The following SCYL3 variants were observed in gnomAD, a reference collection of about 807,000 sequenced individuals.
SCYL3 encodes the protein protein-associating with the carboxyl-terminal domain of ezrin.
In SCYL3, 35 loss-of-function variants were observed where a neutral mutation model predicts 73.8. That is an observed-to-expected ratio of 0.47 (90% CI 0.36 to 0.63). SCYL3 has a LOEUF of 0.63. SCYL3 is among the 20% of genes least tolerant of loss of function. SCYL3 has a pLI of 0.00. For missense variants in SCYL3, 712 were observed against 798.9 expected (o/e 0.89, Z 1.31); for synonymous variants, 277 against 295.2 (o/e 0.94, Z 0.63).
intron 2 of SCYL3, among the ~76,000 whole-genome samples, chr1:169,880,982 G>A (rs185052785): frequency 6.6e-6 from 1 of 152,094 alleles, no homozygotes; most frequent in Non-Finnish European, 1.5e-5. Flanking sequence ...GGCTGCTCTC[G>A]AATTCCTGAC....
intron 8 of SCYL3, among the ~76,000 whole-genome samples, chr1:169,866,589 C>T (rs1466634463): frequency 2.0e-5 from 3 of 152,226 alleles, no homozygotes. Flanking sequence ...TGCATTTGTT[C>T]ATGTTGCCCC....
intron 2 of SCYL3, among the ~76,000 whole-genome samples, chr1:169,886,626 C>A (rs1488587052): frequency 6.6e-6 from 1 of 152,208 alleles, no homozygotes; most frequent in Non-Finnish European, 1.5e-5. Flanking sequence ...TAACTAAACA[C>A]TTAGATTACA....
rs781171044 is a variant in SCYL3, at chr1:169,851,394, G to A, written c.*2319C>T. 8 of 155,014 alleles carry A rather than the reference G, an allele frequency of 5.2e-5. No individual in the cohort carries two copies. The highest frequency in any genetic ancestry group is 8.5e-5 in the Non-Finnish European group (6 of 70,230). The allele number at this position is 155,014 out of a possible 1,614,324, so 9.6% of individuals were successfully genotyped here. A position where few individuals can be genotyped will look rare whatever the true frequency, so the allele number is the denominator to read the frequency against. On this transcript the variant is annotated 3_prime_UTR_variant, in exon 13 of 13. Transcript: ENST00000367771. Reference sequence around the variant, plus strand: ...GTCTCGCTCTGTCGCCCAGATTGGAGTGTGGTGGTGTGATCATAGCTCGCT... The same window carrying A: ...GTCTCGCTCTGTCGCCCAGATTGGAATGTGGTGGTGTGATCATAGCTCGCT...
At chr1:169,879,244 A>G (rs1661074143) in intron 2 of SCYL3, among the ~76,000 whole-genome samples, 1 of 152,224 alleles carries the variant, frequency 6.6e-6, no homozygotes, top group Non-Finnish European at 1.5e-5. Flanking sequence ...TCTCACAGCT[A>G]TGCATGGTGA....
At chr1:169,878,363 TC>T (rs1016637421) in intron 3 of SCYL3, among the ~76,000 whole-genome samples, 46 of 152,322 alleles carry the variant, frequency 3.0e-4, no homozygotes, top group African/African-American at 1.1e-3. Context: ...CAAAGAATTA[TC>T]CAAAACTAGA....
intron 6 of SCYL3, 92 bp downstream of exon 6, chr1:169,870,163 C>G: frequency 1.1e-6 from 1 of 948,180 alleles, no homozygotes. Context: ...TTACTGTGCT[C>G]AAAGACTGTA....
At position 169,862,750 on chromosome 1, in the gene SCYL3, G is replaced by A. The variant is rs1659749818; in HGVS notation, c.1003C>T (p.Gln335Ter). 6.2e-7 allele frequency: 1 copy of A among 1,614,092 alleles called. No individual in the cohort carries two copies. Among genetic ancestry groups the A allele is most frequent in the Admixed American group, 1.7e-5 (1 of 60,008 alleles). ...TPCLLSPALF[Q>*]SRVIPVLLQL... ...AGAAGCACGGGGATCACCCGTGACT[G>A]GAACAGGGCTGGTGAGAGCAAGCAA... is the stretch of plus-strand genomic sequence containing the variant. Residue 335 changes from glutamine to a stop codon, truncating the protein, a stop_gained, in exon 10 of 13, where the codon CAG becomes TAG. Transcript: ENST00000367771. LOFTEE classifies it high-confidence loss of function.
chr1:169,871,877 G>A (rs1010688462), intron 5 of SCYL3, among the ~76,000 whole-genome samples: 4 of 152,174 alleles, frequency 2.6e-5, no homozygotes, highest in Admixed American at 6.5e-5. Flanking sequence ...GGTATCTGGC[G>A]GAAGAAATTT....
chr1:169,884,239 AG>A (rs1156636984), intron 2 of SCYL3, among the ~76,000 whole-genome samples: 2 of 152,228 alleles, frequency 1.3e-5, no homozygotes, highest in African/African-American at 4.8e-5. Flanking sequence ...TTGTGTTAGC[AG>A]GTTGGTTAAA....
intron 2 of SCYL3, 53 bp downstream of exon 2, chr1:169,888,623 G>A (rs1661841100): frequency 1.4e-6 from 2 of 1,429,466 alleles, no homozygotes; most frequent in African/African-American, 2.9e-5. Context: ...TTTTTTAAAA[G>A]AAAACAAGAT....
Position 169,850,293 on chromosome 1 carries a change from AGT to A in SCYL3, c.*3418_*3419del. 2 of 1,612,430 alleles carry A rather than the reference AGT, an allele frequency of 1.2e-6. No homozygotes were observed. Among genetic ancestry groups the A allele is most frequent in the East Asian group, 4.5e-5 (2 of 44,838 alleles). ...ACAAATCATGAAGAGATAGTTCCAC[AGT>A]GTCTCAGTTCTGAAGAAACTAAGAA... On this transcript the variant is annotated 3_prime_UTR_variant, in exon 13 of 13. Coordinates refer to ENST00000367771, the MANE Select transcript of SCYL3 (RefSeq NM_020423.7).
At position 169,852,455 on chromosome 1, in the gene SCYL3, T is replaced by G; in HGVS notation, c.*1258A>C. On this transcript the variant is annotated 3_prime_UTR_variant, in exon 13 of 13. Transcript: ENST00000367771. ...ACATTCTGATAAGTTTTAGTCAAAC[T>G]CTCATAAAAAGAAAATACATTTATG... The G allele has an allele frequency of 6.8e-6, 2 of 295,360 alleles. No homozygotes were observed. Among genetic ancestry groups the G allele is most frequent in the Non-Finnish European group, 1.3e-5 (2 of 158,648 alleles). The allele number at this position is 295,360 out of a possible 1,614,324, so 18.3% of individuals were successfully genotyped here.
At chr1:169,868,493 C>T (rs1472862025) in intron 7 of SCYL3, among the ~76,000 whole-genome samples, 2 of 152,190 alleles carry the variant, frequency 1.3e-5, no homozygotes, top group Non-Finnish European at 2.9e-5. Flanking sequence ...TCACATATTA[C>T]TAGACAAAGA....
chr1:169,878,913 T>C, intron 2 of SCYL3, 94 bp from the exon 3 acceptor site: 5 of 1,143,374 alleles, frequency 4.4e-6, no homozygotes, highest in Non-Finnish European at 5.0e-6. Context: ...AATGTATACT[T>C]GCAGTTAAGG....
intron 2 of SCYL3, among the ~76,000 whole-genome samples, chr1:169,879,481 GAAAC>G (rs565714437): frequency 1.6e-3 from 244 of 152,320 alleles, no homozygotes; most frequent in South Asian, 4.4e-3. Flanking sequence ...AAAGTTTTGA[GAAAC>G]AGACAGGTTG....
intron 1 of SCYL3, among the ~76,000 whole-genome samples, chr1:169,891,212 A>G (rs1244940294): frequency 6.6e-6 from 1 of 152,222 alleles, no homozygotes; most frequent in Non-Finnish European, 1.5e-5. Context: ...CCAAAGCCAC[A>G]TGAAGTCAGA....
chr1:169,853,034 A>ATACT lies in SCYL3; in HGVS notation c.*675_*678dup, dbSNP rs776457577. On this transcript the variant is annotated 3_prime_UTR_variant, in exon 13 of 13. Transcript: ENST00000367771. ...GGGTTTGATGCTTTGTCAACTGAAA[A>ATACT]TACTTATGTCTGTACATTTTCTAAC... 8.3e-5 allele frequency: 131 copies of ATACT among 1,575,110 alleles called. 1 individual carries two copies. The African/African-American group carries it at 9.7e-4, about 12-fold the overall frequency.
In SCYL3 at chr1:169,850,818, T is replaced by C. The variant is rs1658074762; in HGVS notation, c.*2895A>G. 1 of 155,714 alleles carries C rather than the reference T, an allele frequency of 6.4e-6. No homozygotes were observed. Among genetic ancestry groups the C allele is most frequent in the Admixed American group, 6.2e-5 (1 of 16,066 alleles). 9.6% of individuals were successfully genotyped at this position (155,714 alleles called of 1,614,324 possible). A position where few individuals can be genotyped will look rare whatever the true frequency, so the allele number is the denominator to read the frequency against. On this transcript the variant is annotated 3_prime_UTR_variant, in exon 13 of 13. Transcript: ENST00000367771. ...CAAAAAAGGACACTTGTAGTTCCTC[T>C]GCCTGTAGTTTGGGGTGTAATAGCA...
intron 1 of SCYL3, among the ~76,000 whole-genome samples, chr1:169,890,809 A>C (rs373480321): frequency 6.6e-6 from 1 of 152,376 alleles, no homozygotes. Flanking sequence ...AGAAATGCCA[A>C]GTATGGCAAC....
Sources: allele counts gnomAD v4.1 joint callset (sites outside exome capture counted in the v4.1 genomes callset), GRCh38; gene constraint gnomAD v4.1.1; transcripts MANE v1.5; gene names NCBI Gene and HGNC (gene_info 2026-07-23, HGNC 2026-07-21).